BAZ2B: variants seen among roughly 807,000 people sequenced by gnomAD.
BAZ2B encodes the protein bromodomain adjacent to zinc finger domain protein 2B.
A neutral mutation model predicts 246.0 loss-of-function variants in BAZ2B; 91 were observed. The observed-to-expected ratio is 0.37, with a 90% CI of 0.31 to 0.44. The LOEUF is 0.44. BAZ2B is among the 20% of genes least tolerant of loss of function. The probability of loss-of-function intolerance (pLI) is 1.00; values close to 1 mark genes in which losing one functional copy is unlikely to be tolerated. For synonymous variants in BAZ2B, 855 were observed against 860.0 expected (o/e 0.99, Z 0.10); for missense variants, 2,332 against 2,533.7 (o/e 0.92, Z 1.71).
At chr2:159,536,883 C>A (rs62173247) in intron 2 of BAZ2B, among the ~76,000 whole-genome samples, 1 of 152,080 alleles carries the variant, frequency 6.6e-6, no homozygotes, top group Non-Finnish European at 1.5e-5. Context: ...CATCAGCAAA[C>A]GAAAGCAATC....
intron 1 of BAZ2B, among the ~76,000 whole-genome samples, chr2:159,588,478 T>C (rs1303804102): frequency 6.6e-6 from 1 of 151,848 alleles, no homozygotes; most frequent in Non-Finnish European, 1.5e-5. Context: ...GGGCTATGAT[T>C]GGTCACTGCA....
At chr2:159,432,510 A>C (rs1046469489) in intron 9 of BAZ2B, among the ~76,000 whole-genome samples, 1 of 152,250 alleles carries the variant, frequency 6.6e-6, no homozygotes, top group African/African-American at 2.4e-5. Context: ...GTCTTAATTT[A>C]TGCATCATTT....
intron 3 of BAZ2B, among the ~76,000 whole-genome samples, chr2:159,466,686 G>T (rs143497554): frequency 5.3e-5 from 8 of 152,284 alleles, no homozygotes; most frequent in African/African-American, 1.2e-4. Context: ...CGAGATTATG[G>T]AGGCTGACCC....
intron 3 of BAZ2B, among the ~76,000 whole-genome samples, chr2:159,454,394 C>CA (rs1295201528): frequency 5.3e-5 from 8 of 152,164 alleles, no homozygotes; most frequent in Non-Finnish European, 1.2e-4. Flanking sequence ...GTACAGTGTA[C>CA]TTACACAACC....
intron 3 of BAZ2B, among the ~76,000 whole-genome samples, chr2:159,454,611 T>TG (rs2075506691): frequency 6.6e-6 from 1 of 152,228 alleles, no homozygotes; most frequent in African/African-American, 2.4e-5. Flanking sequence ...GTCATATATG[T>TG]GGTCAGGCAT....
chr2:159,446,778 T>C lies in BAZ2B; in HGVS notation c.696+4A>G, dbSNP rs937786451. On this transcript the variant is annotated splice_donor_region_variant and intron_variant, in intron 6 of 36. Coordinates refer to ENST00000392783, the MANE Select transcript of BAZ2B (RefSeq NM_013450.4). ...ATATATTAGTCCTTCCAAGTACAAC[T>C]TACCTTATCTTTGATTTTGTCAACT... 9 of 1,599,972 alleles carry C rather than the reference T, an allele frequency of 5.6e-6. No homozygotes were observed. In the Admixed American group the frequency reaches 1.2e-4, roughly 21 times the overall value.
chr2:159,590,516 G>A (rs192540712), intron 1 of BAZ2B, among the ~76,000 whole-genome samples: 64 of 151,048 alleles, frequency 4.2e-4, no homozygotes, highest in African/African-American at 1.5e-3. Context: ...GCTTGAACCC[G>A]GGGGGGTGGA....
At chr2:159,644,697 T>C in the BAZ2B span, among the ~76,000 whole-genome samples, 1 of 152,152 alleles carries the variant, frequency 6.6e-6, no homozygotes, top group Non-Finnish European at 1.5e-5. Context: ...ACTGGCAGTG[T>C]CTTTGTTGTT....
chr2:159,639,590 G>C, the BAZ2B span, among the ~76,000 whole-genome samples: 1 of 152,066 alleles, frequency 6.6e-6, no homozygotes, highest in Non-Finnish European at 1.5e-5. Flanking sequence ...ATATTTGTTT[G>C]TTTATGCAAG....
At chr2:159,600,524 A>G (rs1007452821) in intron 1 of BAZ2B, among the ~76,000 whole-genome samples, 2 of 152,216 alleles carry the variant, frequency 1.3e-5, no homozygotes, top group African/African-American at 4.8e-5. Flanking sequence ...TGGATATGTG[A>G]AAAGAGCCTT....
chr2:159,545,222 G>A (rs914495914), intron 2 of BAZ2B, among the ~76,000 whole-genome samples: 25 of 152,054 alleles, frequency 1.6e-4, no homozygotes, highest in African/African-American at 5.6e-4. Context: ...CTTCCCTGAT[G>A]AACCAGTGTT....
At chr2:159,583,102 TTTTTC>T (rs1407223590) in intron 1 of BAZ2B, among the ~76,000 whole-genome samples, 3 of 127,618 alleles carry the variant, frequency 2.4e-5, no homozygotes, top group Non-Finnish European at 5.3e-5. Context: ...AATATATTCT[TTTTTC>T]TTTTCTTTTT....
At chr2:159,433,548 T>A (rs1395910270) in intron 8 of BAZ2B, 185 bp from the exon 9 acceptor site, 1 of 478,460 alleles carries the variant, frequency 2.1e-6, no homozygotes, top group South Asian at 4.8e-5. Context: ...TTGGCTCTAA[T>A]TTATTAAAAT....
intron 27 of BAZ2B, among the ~76,000 whole-genome samples, chr2:159,372,702 G>A (rs1422089820): frequency 6.6e-6 from 1 of 152,200 alleles, no homozygotes; most frequent in Non-Finnish European, 1.5e-5. Context: ...TATGCTTATT[G>A]TAAAAGAATA....
the BAZ2B span, chr2:159,670,683 C>A: frequency 6.6e-6 from 1 of 152,196 alleles, no homozygotes; most frequent in African/African-American, 2.4e-5. Flanking sequence ...GGATAACAGT[C>A]TTTTATTTTT....
intron 1 of BAZ2B, among the ~76,000 whole-genome samples, chr2:159,575,963 C>T (rs558390406): frequency 6.5e-4 from 99 of 152,258 alleles, no homozygotes; most frequent in African/African-American, 2.2e-3. Flanking sequence ...GCCTAAAATG[C>T]TAGGACCAAA....
intron 27 of BAZ2B, among the ~76,000 whole-genome samples, chr2:159,355,458 A>G (rs1264357771): frequency 1.6e-4 from 24 of 152,194 alleles, no homozygotes; most frequent in Admixed American, 1.6e-3. Context: ...AAATTTTAAG[A>G]TGATAACATA....
At chr2:159,547,031 A>G (rs1202699339) in intron 2 of BAZ2B, among the ~76,000 whole-genome samples, 1 of 152,172 alleles carries the variant, frequency 6.6e-6, no homozygotes, top group East Asian at 1.9e-4. Flanking sequence ...TAGAGTTTAG[A>G]AAAAAAGACA....
At chr2:159,564,253 C>T (rs2090147496) in intron 1 of BAZ2B, among the ~76,000 whole-genome samples, 1 of 149,790 alleles carries the variant, frequency 6.7e-6, no homozygotes, top group Admixed American at 6.6e-5. Context: ...GACAAGAATG[C>T]CCAGGGCTAG....
Sources: gnomAD v4.1 joint callset for allele counts (sites outside exome capture counted in the v4.1 genomes callset) on GRCh38, gnomAD v4.1.1 for gene constraint, MANE v1.5 for transcripts, NCBI Gene and HGNC (gene_info 2026-07-23, HGNC 2026-07-21) for gene names.